Variants in PRKN observed in about 807,000 individuals in gnomAD.
The protein encoded by PRKN is E3 ubiquitin-protein ligase parkin.
In PRKN, 56 loss-of-function variants were observed where a neutral mutation model predicts 59.5. The ratio of observed to expected loss-of-function variants is 0.94; its 90% CI spans 0.76 to 1.18. The LOEUF (loss-of-function observed/expected upper bound fraction) is 1.18, where lower values mean the gene tolerates loss of function less well. Ranked by LOEUF, PRKN falls within the 50% of genes most tolerant of loss-of-function variation. PRKN has a pLI of 0.00. For missense variants in PRKN, 657 were observed against 596.4 expected, an observed-to-expected ratio of 1.10 and a Z score of -1.06; for synonymous variants, 250 against 222.1, an observed-to-expected ratio of 1.13 and a Z score of -1.12.
At chr6:161,669,355 G>A (rs1784829892) in intron 7 of PRKN, among the ~76,000 whole-genome samples, 1 of 152,118 alleles carries the variant, frequency 6.6e-6, no homozygotes. Flanking sequence ...TTAATCATGG[G>A]ACAGCTTCCT....
At chr6:162,278,953 G>C (rs924679809) in intron 2 of PRKN, among the ~76,000 whole-genome samples, 1 of 151,732 alleles carries the variant, frequency 6.6e-6, no homozygotes, top group Non-Finnish European at 1.5e-5. Context: ...GCTATAAATA[G>C]ATTTTTTTAA....
intron 5 of PRKN, among the ~76,000 whole-genome samples, chr6:162,005,892 G>T (rs1323713604): frequency 6.6e-6 from 1 of 151,968 alleles, no homozygotes; most frequent in East Asian, 1.9e-4. Flanking sequence ...TATAATCTGA[G>T]TCCAACACTT....
chr6:162,123,662 G>C (rs1037368572), intron 4 of PRKN, among the ~76,000 whole-genome samples: 2 of 152,164 alleles, frequency 1.3e-5, no homozygotes, highest in Non-Finnish European at 2.9e-5. Flanking sequence ...GGCCAAGAGA[G>C]TGTTTGAACG....
chr6:161,537,661 C>T (rs1265009290), intron 9 of PRKN, among the ~76,000 whole-genome samples: 5 of 152,266 alleles, frequency 3.3e-5, no homozygotes, highest in Non-Finnish European at 5.9e-5. Flanking sequence ...CCATGTTAGC[C>T]TGGATGGTCT....
Position 161,467,564 on chromosome 6 carries a change from A to G in PRKN, c.1084-80687T>C, listed in dbSNP as rs532199389. Among the ~76,000 whole-genome samples the G allele has an allele frequency of 3.3e-4, 50 of 152,294 alleles. No homozygotes were observed. The Middle Eastern group carries it at 0.01, about 31-fold the overall frequency. The stretch of plus-strand genomic sequence containing the variant: ...ATAACAGAGAAACATGCAGATTGCT[A>G]TGGGAATGCAGGTTGAGAGGTGCTG... On this transcript the variant is annotated intron_variant, in intron 9 of 11. Coordinates refer to ENST00000366898, the MANE Select transcript of PRKN (RefSeq NM_004562.3). This position sits in a 1 kb window ranked among gnomAD's most constrained non-coding sequence, Gnocchi z 4.3.
intron 6 of PRKN, among the ~76,000 whole-genome samples, chr6:161,923,264 C>A (rs1428755955): frequency 6.6e-6 from 1 of 152,204 alleles, no homozygotes; most frequent in Non-Finnish European, 1.5e-5. Context: ...GGGCAGATCA[C>A]CTGAGGTCAG....
chr6:161,378,609 C>A lies in PRKN; in HGVS notation c.1167+8185G>T, dbSNP rs1304497336. Among the ~76,000 whole-genome samples the A allele has an allele frequency of 1.3e-5, 2 of 152,162 alleles. No homozygotes were observed. The highest frequency in any genetic ancestry group is 4.8e-5 in the African/African-American group (2 of 41,420). The stretch of plus-strand genomic sequence containing the variant: ...ACTAGCATCTGCAGGCTGCCGGCAC[C>A]CTGCATGGCACTGCATTGTGTCCCA... On this transcript the variant is annotated intron_variant, in intron 10 of 11. Transcript: ENST00000366898. The surrounding 1 kb of genome is among the most constrained non-coding windows in gnomAD (Gnocchi z 7.3).
At chr6:162,712,961 T>C (rs1340597882) in intron 1 of PRKN, among the ~76,000 whole-genome samples, 3 of 152,204 alleles carry the variant, frequency 2.0e-5, no homozygotes, top group Non-Finnish European at 4.4e-5. Flanking sequence ...GGGGCACTAT[T>C]ACCACCACTT....
chr6:162,654,300 T>C (rs754581080), intron 1 of PRKN, among the ~76,000 whole-genome samples: 1 of 152,186 alleles, frequency 6.6e-6, no homozygotes, highest in Non-Finnish European at 1.5e-5. Context: ...TTAAGAAATA[T>C]CATCCTATGA....
Position 161,785,411 on chromosome 6 carries a change from A to G in PRKN, c.871+361T>C, listed in dbSNP as rs547372218. ...TATTGGGTATGTGTTCAACATTTTG[A>G]GTGATAGAGGTATACGATTTAAAAA... On this transcript the variant is annotated intron_variant, in intron 7 of 11. Transcript: ENST00000366898. Among the ~76,000 whole-genome samples the G allele has an allele frequency of 1.3e-5, 2 of 152,306 alleles. 1 individual carries two copies. The highest frequency in any genetic ancestry group is 4.8e-5 in the African/African-American group (2 of 41,564).
chr6:161,597,262 C>A (rs1019793914), intron 7 of PRKN, among the ~76,000 whole-genome samples: 1 of 152,206 alleles, frequency 6.6e-6, no homozygotes, highest in African/African-American at 2.4e-5. Flanking sequence ...CTTCTCATAA[C>A]TAAACAGCAA....
chr6:162,556,332 C>G (rs1779567690), intron 1 of PRKN, among the ~76,000 whole-genome samples: 1 of 107,028 alleles, frequency 9.3e-6, no homozygotes, highest in Non-Finnish European at 2.0e-5. Context: ...CAAGCAGTAA[C>G]TACTCAGCTG....
At chr6:162,215,738 A>C (rs1204674254) in intron 3 of PRKN, among the ~76,000 whole-genome samples, 1 of 152,076 alleles carries the variant, frequency 6.6e-6, no homozygotes. Flanking sequence ...TGAATACAGG[A>C]GCAAAACTGA....
intron 9 of PRKN, among the ~76,000 whole-genome samples, chr6:161,506,975 G>A (rs1055222031): frequency 2.0e-5 from 3 of 152,170 alleles, no homozygotes; most frequent in Admixed American, 2.0e-4. Context: ...CTCCAGAGAA[G>A]AGACCCACAA....
chr6:161,897,763 C>T (rs564940683), intron 6 of PRKN, among the ~76,000 whole-genome samples: 40 of 150,796 alleles, frequency 2.7e-4, no homozygotes, highest in East Asian at 1.8e-3. Flanking sequence ...GGGTGGATCA[C>T]GAGGTCAGGA....
At chr6:161,832,623 CAAAAAAAA>C (rs529969845) in intron 6 of PRKN, among the ~76,000 whole-genome samples, 195 of 75,216 alleles carry the variant, frequency 2.6e-3, no homozygotes, top group African/African-American at 9.0e-3. Flanking sequence ...GATTCCATCT[CAAAAAAAA>C]AAAAAAAAAA....
chr6:162,621,170 G>A (rs142400681), intron 1 of PRKN, among the ~76,000 whole-genome samples: 2 of 152,292 alleles, frequency 1.3e-5, no homozygotes, highest in East Asian at 3.9e-4. Context: ...GGTAAATTGA[G>A]AGCAGCAATG....
intron 5 of PRKN, among the ~76,000 whole-genome samples, chr6:162,005,379 C>G (rs537282934): frequency 6.6e-6 from 1 of 152,114 alleles, no homozygotes; most frequent in Non-Finnish European, 1.5e-5. Flanking sequence ...ATAATATATG[C>G]TACATGGTAA....
At chr6:161,649,676 A>C (rs1784081780) in intron 7 of PRKN, among the ~76,000 whole-genome samples, 1 of 152,216 alleles carries the variant, frequency 6.6e-6, no homozygotes, top group South Asian at 2.1e-4. Context: ...GAATGAATTA[A>C]ATGACTAAAA....
Sources: allele counts gnomAD v4.1 joint callset (sites outside exome capture counted in the v4.1 genomes callset), GRCh38; gene constraint gnomAD v4.1.1; non-coding constraint Gnocchi (gnomAD v3.1); transcripts MANE v1.5; gene names NCBI Gene and HGNC (gene_info 2026-07-23, HGNC 2026-07-21).